ERN1: variants seen among roughly 807,000 people sequenced by gnomAD.
The protein encoded by ERN1 is serine/threonine-protein kinase/endoribonuclease IRE1.
A neutral mutation model predicts 113.1 loss-of-function variants in ERN1; 39 were observed. The observed-to-expected ratio is 0.34, with a 90% CI of 0.27 to 0.45. ERN1 has a LOEUF of 0.45. Among genes scored for constraint, ERN1 ranks in the 20% least tolerant of loss-of-function variants. The pLI is 1.00. For missense variants in ERN1, 976 were observed against 1,274.8 expected (o/e 0.77, Z 3.57); for synonymous variants, 507 against 515.9 (o/e 0.98, Z 0.23).
intron 9 of ERN1, 108 bp from the exon 10 acceptor site, chr17:64,064,259 T>A: frequency 7.9e-7 from 1 of 1,268,678 alleles, no homozygotes; most frequent in Non-Finnish European, 1.1e-6. Flanking sequence ...AGTGCAGGGC[T>A]AGTCCAGGAC....
Position 64,054,673 on chromosome 17 carries a change from G to C in ERN1, c.1763+65C>G. 7.5e-7 allele frequency: 1 copy of C among 1,329,858 alleles called. No individual in the cohort carries two copies. Among genetic ancestry groups the C allele is most frequent in the Admixed American group, 2.1e-5 (1 of 47,466 alleles). 82.4% of individuals were successfully genotyped at this position (1,329,858 alleles called of 1,614,324 possible). A position where few individuals can be genotyped will look rare whatever the true frequency, so the allele number is the denominator to read the frequency against. On this transcript the variant is annotated intron_variant, in intron 14 of 21. Transcript: ENST00000433197. This position sits in a 1 kb window ranked among gnomAD's most constrained non-coding sequence, Gnocchi z 4.9. ...TGCTGTGCTCTGAGCCTGGCACCAG[G>C]CTCGCAACCTGACAGGCACTTAGAC...
chr17:64,062,488 C>T (rs1285270772), intron 10 of ERN1, among the ~76,000 whole-genome samples: 5 of 152,218 alleles, frequency 3.3e-5, no homozygotes, highest in South Asian at 2.1e-4. Context: ...AAGAGGCTTT[C>T]GAATTGTGGG....
chr17:64,108,953 T>C (rs1266299626), intron 1 of ERN1, among the ~76,000 whole-genome samples: 1 of 152,064 alleles, frequency 6.6e-6, no homozygotes, highest in African/African-American at 2.4e-5. Context: ...GGAAACCCCG[T>C]CTCTACTAAA....
rs371381225 is a variant in ERN1 at position 64,064,059 on chromosome 17, C to T, written c.1014G>A (p.Thr338=). The T allele has an allele frequency of 2.1e-4, 331 of 1,613,784 alleles. No homozygotes were observed. The African/African-American group carries it at 2.9e-3, about 14-fold the overall frequency. The part of the protein sequence containing the change: ...DKGECVITPS[T]DVKFDPGLKS... Reference sequence around the variant, plus strand: ...TGAGTCCGGGATCAAACTTGACGTCCGTGCTGGGCGTGATCACACACTCCC... The same window carrying T: ...TGAGTCCGGGATCAAACTTGACGTCTGTGCTGGGCGTGATCACACACTCCC... Residue 338 remains threonine (T), a synonymous_variant, in exon 10 of 22, where the codon ACG becomes ACA. Transcript: ENST00000433197.
intron 6 of ERN1, 61 bp downstream of exon 6, chr17:64,071,920 G>A (rs772033167): frequency 1.1e-5 from 17 of 1,539,194 alleles, no homozygotes; most frequent in Admixed American, 5.9e-5. Flanking sequence ...AGGAGGCTGG[G>A]GAGCTTCTTC....
chr17:64,114,062 G>A (rs1485262379), intron 1 of ERN1, among the ~76,000 whole-genome samples: 1 of 135,180 alleles, frequency 7.4e-6, no homozygotes, highest in Non-Finnish European at 1.6e-5. Context: ...TAATAAGAAG[G>A]TAAATGCTAA....
chr17:64,064,767 G>A (rs972482247), intron 9 of ERN1, among the ~76,000 whole-genome samples: 1 of 152,194 alleles, frequency 6.6e-6, no homozygotes, highest in African/African-American at 2.4e-5. Flanking sequence ...GTAGGGAAAA[G>A]GAAGAAGAAA....
rs568069680 is a variant in ERN1 at position 64,046,744 on chromosome 17, G to C, written c.2529+1114C>G. Among the ~76,000 whole-genome samples the C allele has an allele frequency of 9.0e-4, 137 of 152,314 alleles. 2 individuals are homozygous for C. The highest frequency in any genetic ancestry group is 3.5e-4 in the Non-Finnish European group (24 of 68,022). On this transcript the variant is annotated intron_variant, in intron 19 of 21. Transcript: ENST00000433197. ...CCCCAGTCAGACCCCAGGAGAGCAT[G>C]ATGGTCACTTCTCAGTACGGTGCCC...
intron 4 of ERN1, among the ~76,000 whole-genome samples, chr17:64,077,832 A>G (rs1209732796): frequency 2.7e-5 from 4 of 146,628 alleles, no homozygotes; most frequent in South Asian, 4.3e-4. Flanking sequence ...TGCAAGCTCC[A>G]CCTCCCGGGT....
At chr17:64,061,444 C>T (rs551569123) in intron 10 of ERN1, among the ~76,000 whole-genome samples, 2 of 152,202 alleles carry the variant, frequency 1.3e-5, no homozygotes, top group Non-Finnish European at 2.9e-5. Flanking sequence ...TCCATTGTTC[C>T]CCTAAACCTA....
chr17:64,053,248 G>C, intron 16 of ERN1, 24 bp downstream of exon 16: 1 of 1,566,138 alleles, frequency 6.4e-7, no homozygotes, highest in Non-Finnish European at 8.7e-7. Context: ...CGGGCCGCTG[G>C]CCTGGTAAAG....
chr17:64,066,996 T>G, intron 7 of ERN1, 64 bp from the exon 8 acceptor site: 1 of 1,554,492 alleles, frequency 6.4e-7, no homozygotes, highest in Middle Eastern at 1.7e-4. Context: ...CATCCTCTAC[T>G]CTTGTGGCAG....
rs186993698 is a variant in ERN1, at chr17:64,066,913, G to A, written c.600C>T (p.Ser200=). The A allele has an allele frequency of 1.5e-5, 24 of 1,613,728 alleles. No individual in the cohort carries two copies. In the East Asian group the frequency reaches 4.9e-4, roughly 33 times the overall value. ...CAGTCACCACCAGCCCATCACCATTGGACACAAAGTGGGACATCTCTGTAC... is the reference window on the plus strand; with the variant it reads ...CAGTCACCACCAGCCCATCACCATTAGACACAAAGTGGGACATCTCTGTAC... ...DVDYKMSHFV[S]NGDGLVVTVD... Residue 200 remains serine (S), a synonymous_variant, in exon 8 of 22, where the codon TCC becomes TCT. Coordinates refer to ENST00000433197, the MANE Select transcript of ERN1 (RefSeq NM_001433.5).
At chr17:64,067,041 T>A in intron 7 of ERN1, 109 bp from the exon 8 acceptor site, 1 of 1,191,988 alleles carries the variant, frequency 8.4e-7, no homozygotes, top group Non-Finnish European at 1.2e-6. Flanking sequence ...ACAAGACTTC[T>A]GGAATATTCT....
chr17:64,111,861 T>C (rs935770025), intron 1 of ERN1, among the ~76,000 whole-genome samples: 1 of 152,154 alleles, frequency 6.6e-6, no homozygotes, highest in Non-Finnish European at 1.5e-5. Flanking sequence ...GGGAGACTAT[T>C]TAATTTAAAA....
At position 64,044,871 on chromosome 17, in the gene ERN1, T is replaced by C. The variant is rs1480147796; in HGVS notation, c.2710A>G (p.Met904Val). The part of the protein sequence containing the change: ...GGSVRDLLRA[M>V]RNKKHHYREL... ...TACAAACTGCTTACCTTATTTCTCATGGCTCGGAGGAGATCTCTGACAGAA... is the reference window on the plus strand; with the variant it reads ...TACAAACTGCTTACCTTATTTCTCACGGCTCGGAGGAGATCTCTGACAGAA... The change falls in exon 21 of 22, where the codon ATG (methionine) becomes GTG (valine). Residue 904 changes from methionine to valine, a missense_variant. By Grantham distance (21) the Met-to-Val change is conservative (BLOSUM62 1). Transcript: ENST00000433197. This position sits in a 1 kb window ranked among gnomAD's most constrained non-coding sequence, Gnocchi z 4.1. The C allele has an allele frequency of 5.0e-6, 8 of 1,587,532 alleles. No homozygotes were observed. The highest frequency in any genetic ancestry group is 1.8e-5 in the Admixed American group (1 of 56,306).
chr17:64,057,622 C>T (rs970087930), intron 12 of ERN1, among the ~76,000 whole-genome samples, 180 bp downstream of exon 12: 4 of 152,210 alleles, frequency 2.6e-5, no homozygotes, highest in Non-Finnish European at 5.9e-5. Context: ...CCCGCCTCGG[C>T]CTCCCAAAGT....
Position 64,044,939 on chromosome 17 carries a change from T to G in ERN1, c.2654-12A>C, listed in dbSNP as rs1313358983. ...GAATTTACGCAGGTCTAGAAAAACA[T>G]TGAGGGAAGCAATGGGTAATCAAAT... On this transcript the variant is annotated splice_polypyrimidine_tract_variant and intron_variant, in intron 20 of 21. Coordinates refer to ENST00000433197, the MANE Select transcript of ERN1 (RefSeq NM_001433.5). This position sits in a 1 kb window ranked among gnomAD's most constrained non-coding sequence, Gnocchi z 4.1. 1 of 1,570,024 alleles carries G rather than the reference T, an allele frequency of 6.4e-7. No homozygotes were observed. The highest frequency in any genetic ancestry group is 1.4e-5 in the African/African-American group (1 of 74,006).
intron 1 of ERN1, among the ~76,000 whole-genome samples, chr17:64,123,771 T>C (rs973608531): frequency 2.0e-5 from 3 of 152,104 alleles, no homozygotes; most frequent in East Asian, 3.8e-4. Context: ...TAAAAACATA[T>C]CTGTGTAGTG....
Sources: gnomAD v4.1 joint callset for allele counts (sites outside exome capture counted in the v4.1 genomes callset) on GRCh38, gnomAD v4.1.1 for gene constraint, Gnocchi (gnomAD v3.1) non-coding constraint, MANE v1.5 for transcripts, NCBI Gene and HGNC (gene_info 2026-07-23, HGNC 2026-07-21) for gene names.